PALLD: variants seen among roughly 807,000 people sequenced by gnomAD.
PALLD encodes palladin.
Under a neutral mutation model 123.5 loss-of-function variants are expected in PALLD, and 61 were observed. The observed-to-expected ratio is 0.49, with a 90% CI of 0.40 to 0.61. PALLD has a LOEUF of 0.61. Ranked by LOEUF, PALLD falls within the 20% of genes least tolerant of loss-of-function variation. The probability of loss-of-function intolerance (pLI) is 0.00; values close to 1 mark genes in which losing one functional copy is unlikely to be tolerated. For missense variants in PALLD, 1,273 were observed against 1,377.0 expected, an observed-to-expected ratio of 0.92 and a Z score of 1.20; for synonymous variants, 465 against 496.4, an observed-to-expected ratio of 0.94 and a Z score of 0.84.
chr4:168,801,505 C>G (rs895058706), intron 10 of PALLD, among the ~76,000 whole-genome samples: 1 of 152,214 alleles, frequency 6.6e-6, no homozygotes, highest in Non-Finnish European at 1.5e-5. Context: ...GGCTCGATCT[C>G]CTGACCTCGT....
chr4:168,918,510 G>A (rs1447356384), intron 17 of PALLD, among the ~76,000 whole-genome samples: 1 of 152,118 alleles, frequency 6.6e-6, no homozygotes, highest in African/African-American at 2.4e-5. Flanking sequence ...AGAATAGAAT[G>A]GTGATTACCA....
Position 168,512,398 on chromosome 4 carries a change from C to T in PALLD, c.894C>T (p.Pro298=), listed in dbSNP as rs1162233142. ...VYLECRVTGN[P]TPRVRWFCEG... ...TGGAGTGTAGAGTCACTGGAAACCC[C>T]ACTCCTCGAGTCAGGTATGAATTTT... Residue 298 remains proline (P), a synonymous_variant, in exon 2 of 22, where the codon CCC becomes CCT. Coordinates refer to ENST00000505667, the MANE Select transcript of PALLD (RefSeq NM_001166108.2). 6.2e-7 allele frequency: 1 copy of T among 1,613,362 alleles called. No individual in the cohort carries two copies. Among genetic ancestry groups the T allele is most frequent in the Admixed American group, 1.7e-5 (1 of 60,024 alleles).
chr4:168,828,888 T>C lies in PALLD; in HGVS notation c.1965-62034T>C, dbSNP rs372594174. 6.6e-5 allele frequency: 10 copies of C among 152,242 alleles called. No individual in the cohort carries two copies. In the East Asian group the frequency reaches 1.7e-3, roughly 26 times the overall value. The allele number at this position is 152,242 out of a possible 1,614,324, so 9.4% of individuals were successfully genotyped here. The stretch of plus-strand genomic sequence containing the variant: ...AGTGTCACTCCTGACGAAATAAAAG[T>C]TCATTGTGTATTTATTCTCTGCCCC... On this transcript the variant is annotated intron_variant, in intron 10 of 21. Transcript: ENST00000505667.
intron 2 of PALLD, among the ~76,000 whole-genome samples, chr4:168,576,742 A>G (rs1769650440): frequency 1.3e-5 from 2 of 152,186 alleles, no homozygotes; most frequent in Admixed American, 1.3e-4. Flanking sequence ...TCCTTTGGGT[A>G]TATACCCAGT....
chr4:168,586,414 G>A (rs1479458068), intron 2 of PALLD, among the ~76,000 whole-genome samples: 1 of 152,112 alleles, frequency 6.6e-6, no homozygotes, highest in Non-Finnish European at 1.5e-5. Context: ...GCCCAGCAAA[G>A]TCCAGAATTC....
chr4:168,886,713 TA>T lies in PALLD; in HGVS notation c.1965-4208del, dbSNP rs530072271. Among the ~76,000 whole-genome samples the T allele has an allele frequency of 1.7e-4, 26 of 152,310 alleles. 1 individual carries two copies. In the East Asian group the frequency reaches 5.0e-3, roughly 29 times the overall value. On this transcript the variant is annotated intron_variant, in intron 10 of 21. Transcript: ENST00000505667. ...TTGTTTAGAACCAAGAAAATATGAG[TA>T]CCTTAAATTCTGTAAGTAAAGAGGA... is the stretch of plus-strand genomic sequence containing the variant.
rs1582264481 is a variant in PALLD, at chr4:168,926,351, T to C, written c.*171T>C. 2 of 1,537,406 alleles carry C rather than the reference T, an allele frequency of 1.3e-6. No individual in the cohort carries two copies. The highest frequency in any genetic ancestry group is 8.7e-7 in the Non-Finnish European group (1 of 1,146,842). ...GAGGCCAACCCATCTCACCTGACAC[T>C]GAATACTGCCTTGGTAGAAAGTGAG... On this transcript the variant is annotated 3_prime_UTR_variant, in exon 22 of 22. Transcript: ENST00000505667.
At chr4:168,678,814 T>C (rs1373826656) in intron 3 of PALLD, among the ~76,000 whole-genome samples, 1 of 145,748 alleles carries the variant, frequency 6.9e-6, no homozygotes, top group Non-Finnish European at 1.5e-5. Context: ...GATGTGGGTA[T>C]GGTGTGTGGG....
intron 10 of PALLD, among the ~76,000 whole-genome samples, chr4:168,772,180 A>G (rs1333187366): frequency 6.6e-6 from 1 of 152,154 alleles, no homozygotes; most frequent in African/African-American, 2.4e-5. Context: ...GAGGTGCAAT[A>G]ACTTTCTTAA....
chr4:168,811,766 T>TCACA (rs1395576537), intron 10 of PALLD, among the ~76,000 whole-genome samples: 134 of 94,446 alleles, frequency 1.4e-3, no homozygotes, highest in African/African-American at 6.4e-3. Context: ...TTTCTCTCTC[T>TCACA]CTCTCTCTCT....
chr4:168,907,288 A>C (rs1582078783), intron 15 of PALLD, among the ~76,000 whole-genome samples: 1 of 152,190 alleles, frequency 6.6e-6, no homozygotes, highest in South Asian at 2.1e-4. Flanking sequence ...AAGCCTGTGG[A>C]ACCAGATGTA....
intron 11 of PALLD, among the ~76,000 whole-genome samples, chr4:168,892,889 C>T (rs1235777715): frequency 2.0e-5 from 3 of 152,050 alleles, no homozygotes; most frequent in African/African-American, 7.2e-5. Context: ...ACAGTAAGTT[C>T]CACAGGTATC....
intron 14 of PALLD, among the ~76,000 whole-genome samples, chr4:168,900,132 G>A (rs1756176721): frequency 6.6e-6 from 1 of 152,080 alleles, no homozygotes; most frequent in African/African-American, 2.4e-5. Context: ...GATCTCATGT[G>A]AACTAATTGA....
At chr4:168,735,113 A>G (rs746305214) in intron 10 of PALLD, among the ~76,000 whole-genome samples, 8 of 152,200 alleles carry the variant, frequency 5.3e-5, no homozygotes, top group African/African-American at 1.9e-4. Context: ...CTCTTGCAAT[A>G]TAATATTTGA....
chr4:168,925,225 A>G lies in PALLD; in HGVS notation c.3359-8A>G, dbSNP rs747803850. On this transcript the variant is annotated splice_region_variant and splice_polypyrimidine_tract_variant and intron_variant, in intron 20 of 21. Coordinates refer to ENST00000505667, the MANE Select transcript of PALLD (RefSeq NM_001166108.2). ...TTCATATTGCTCTCTCTCTCTTTCT[A>G]TTTGTAGTTTCTCGACATTAATAGT... 13 of 1,604,072 alleles carry G rather than the reference A, an allele frequency of 8.1e-6. No homozygotes were observed. In the East Asian group the frequency reaches 2.2e-4, roughly 28 times the overall value.
chr4:168,572,139 G>A (rs1445210343), intron 2 of PALLD, among the ~76,000 whole-genome samples: 2 of 152,142 alleles, frequency 1.3e-5, no homozygotes, highest in Non-Finnish European at 2.9e-5. Context: ...AGTACTCAGT[G>A]CAGTGGACAC....
chr4:168,854,110 T>C (rs1277158514), intron 10 of PALLD, among the ~76,000 whole-genome samples: 1 of 152,224 alleles, frequency 6.6e-6, no homozygotes, highest in Non-Finnish European at 1.5e-5. Context: ...TAGAGTCTCC[T>C]GGTAAGTGTT....
At chr4:168,749,923 T>C (rs777267442) in intron 10 of PALLD, among the ~76,000 whole-genome samples, 12 of 150,216 alleles carry the variant, frequency 8.0e-5, no homozygotes, top group Non-Finnish European at 1.6e-4. Flanking sequence ...CATTTTTATG[T>C]CCATGTGTAC....
intron 2 of PALLD, among the ~76,000 whole-genome samples, chr4:168,526,464 G>C (rs1468132421): frequency 6.6e-6 from 1 of 151,984 alleles, no homozygotes; most frequent in African/African-American, 2.4e-5. Context: ...AGAGGAGTTG[G>C]GTTCATCTTC....
Sources: gnomAD v4.1 joint callset for allele counts (sites outside exome capture counted in the v4.1 genomes callset) on GRCh38, gnomAD v4.1.1 for gene constraint, MANE v1.5 for transcripts, NCBI Gene and HGNC (gene_info 2026-07-23, HGNC 2026-07-21) for gene names.